Variants in LYRM1 observed in about 807,000 individuals in gnomAD.
The protein encoded by LYRM1 is LYR motif-containing protein 1.
In LYRM1, 14 loss-of-function variants were observed where a neutral mutation model predicts 14.9. The ratio of observed to expected loss-of-function variants is 0.94; its 90% CI spans 0.62 to 1.47. LYRM1 has a LOEUF of 1.47. Ranked by LOEUF, LYRM1 falls within the 40% of genes most tolerant of loss-of-function variation. The pLI is 0.00. For missense variants in LYRM1, 153 were observed against 149.9 expected, an observed-to-expected ratio of 1.02 and a Z score of -0.11; for synonymous variants, 43 against 56.2, an observed-to-expected ratio of 0.77 and a Z score of 1.05.
Position 20,915,695 on chromosome 16 carries a change from T to C in LYRM1, c.140T>C (p.Leu47Pro). The change falls in exon 2 of 4, where the codon CTG becomes CCG. Residue 47 changes from leucine to proline, a missense_variant. Transcript: ENST00000567954. ...KQYILNEARTLFRKNKNLTDT... is the reference protein window; with the variant it reads ...KQYILNEARTPFRKNKNLTDT... The stretch of plus-strand genomic sequence containing the variant: ...TACATACTAAATGAAGCCAGAACGC[T>C]GTTCCGGAAAAACAAAAATGTAAGT... 1 of 1,613,962 alleles carries C rather than the reference T, an allele frequency of 6.2e-7. No individual in the cohort carries two copies. The highest frequency in any genetic ancestry group is 1.7e-4 in the Middle Eastern group (1 of 6,054).
At chr16:20,914,277 CTTT>C (rs3054656) in intron 1 of LYRM1, among the ~76,000 whole-genome samples, 1,398 of 109,330 alleles carry the variant, frequency 0.013, 15 homozygotes, top group Middle Eastern at 0.023. Flanking sequence ...ACAGTCGTCA[CTTT>C]TTTTTTTTTT....
intron 1 of LYRM1, among the ~76,000 whole-genome samples, chr16:20,912,892 C>A (rs1044372805): frequency 2.9e-4 from 44 of 151,808 alleles, no homozygotes; most frequent in Admixed American, 6.6e-4. Flanking sequence ...CATGGTGAAA[C>A]CCCATCTCTA....
chr16:20,907,151 G>A (rs2082361560), intron 1 of LYRM1, among the ~76,000 whole-genome samples: 1 of 152,138 alleles, frequency 6.6e-6, no homozygotes, highest in Non-Finnish European at 1.5e-5. Context: ...GGAATTATAA[G>A]TAGTTATGAT....
At chr16:20,916,840 G>A (rs544593182) in intron 2 of LYRM1, among the ~76,000 whole-genome samples, 8 of 152,214 alleles carry the variant, frequency 5.3e-5, no homozygotes, top group East Asian at 3.9e-4. Flanking sequence ...ACTAGATGTC[G>A]AAGACAAACA....
chr16:20,902,517 G>A (rs1196702129), intron 1 of LYRM1: 2 of 152,236 alleles, frequency 1.3e-5, no homozygotes, highest in Non-Finnish European at 2.9e-5. Flanking sequence ...GCCAGCAAAG[G>A]AGACGACACA....
intron 1 of LYRM1, among the ~76,000 whole-genome samples, chr16:20,913,103 A>T (rs1281397309): frequency 1.3e-5 from 2 of 149,980 alleles, no homozygotes; most frequent in Admixed American, 6.7e-5. Context: ...TAATAATTAA[A>T]TAAATAAATA....
intron 2 of LYRM1, among the ~76,000 whole-genome samples, chr16:20,917,822 TCTC>T (rs908488176): frequency 1.3e-5 from 2 of 151,922 alleles, no homozygotes; most frequent in Non-Finnish European, 2.9e-5. Context: ...TTGTTTATAT[TCTC>T]CTTTTTTCTT....
Position 20,915,638 on chromosome 16 carries a change from G to A in LYRM1, c.83G>A (p.Gly28Glu). ...RLARKWQATS[G>E]QMEDTIKEKQ... ...GCGAGGAAATGGCAGGCGACATCAG[G>A]GCAGATGGAAGACACCATCAAAGAA... Residue 28 changes from glycine to glutamate, a missense_variant, in exon 2 of 4, where the codon GGG becomes GAG. By Grantham distance (98) the Gly-to-Glu change is moderately conservative. Coordinates refer to ENST00000567954, the MANE Select transcript of LYRM1 (RefSeq NM_001128302.3). 2 of 1,614,084 alleles carry A rather than the reference G, an allele frequency of 1.2e-6. No homozygotes were observed. Among genetic ancestry groups the A allele is most frequent in the Non-Finnish European group, 1.7e-6 (2 of 1,180,010 alleles).
rs1374009924 is a variant in LYRM1 at position 20,924,891 on chromosome 16, C to T, written c.*775C>T. 1 of 152,074 alleles carries T rather than the reference C, an allele frequency of 6.6e-6. No homozygotes were observed. The highest frequency in any genetic ancestry group is 1.5e-5 in the Non-Finnish European group (1 of 68,028). 9.4% of individuals were successfully genotyped at this position (152,074 alleles called of 1,614,324 possible). The stretch of plus-strand genomic sequence containing the variant: ...TGAAAATAGAAGGGATTTATTCCAC[C>T]CCTGCAAGGGTAGAGTCAGGTGAGA... On this transcript the variant is annotated 3_prime_UTR_variant, in exon 4 of 4. Coordinates refer to ENST00000567954, the MANE Select transcript of LYRM1 (RefSeq NM_001128302.3).
rs1417345167 is a variant in LYRM1 at position 20,901,817 on chromosome 16, AG to A, written c.-1+929del. On this transcript the variant is annotated intron_variant, in intron 1 of 3. Transcript: ENST00000567954. This position sits in a 1 kb window ranked among gnomAD's most constrained non-coding sequence, Gnocchi z 4.6. The stretch of plus-strand genomic sequence containing the variant: ...AGACTGTTGCACTGTAAGACAAAGG[AG>A]AGGTGAAGATAGTGTTGAAAGGGCC... 1.3e-5 allele frequency among the ~76,000 whole-genome samples: 2 copies of A among 152,196 alleles called. No individual in the cohort carries two copies. Among genetic ancestry groups the A allele is most frequent in the African/African-American group, 4.8e-5 (2 of 41,456 alleles).
At chr16:20,920,011 AC>A in intron 2 of LYRM1, 110 bp from the exon 3 acceptor site, 1 of 582,020 alleles carries the variant, frequency 1.7e-6, no homozygotes, top group Non-Finnish European at 2.9e-6. Context: ...CAAATTAGTA[AC>A]ATTTCATTTA....
intron 2 of LYRM1, among the ~76,000 whole-genome samples, chr16:20,918,389 T>C (rs1456258968): frequency 6.6e-6 from 1 of 151,986 alleles, no homozygotes; most frequent in East Asian, 1.9e-4. Flanking sequence ...GCGGAAGAGG[T>C]ACATGGGTTC....
At chr16:20,913,429 C>G (rs1311555973) in intron 1 of LYRM1, among the ~76,000 whole-genome samples, 1 of 151,518 alleles carries the variant, frequency 6.6e-6, no homozygotes, top group Non-Finnish European at 1.5e-5. Flanking sequence ...TCTCGTGCCT[C>G]AGCCTCCAAA....
chr16:20,910,323 G>C (rs1289386092), intron 1 of LYRM1, among the ~76,000 whole-genome samples: 3 of 152,228 alleles, frequency 2.0e-5, no homozygotes, highest in Non-Finnish European at 4.4e-5. Flanking sequence ...TACAGCTTTA[G>C]ACCCTTCTCT....
At chr16:20,918,302 G>A (rs970292533) in intron 2 of LYRM1, among the ~76,000 whole-genome samples, 19 of 152,102 alleles carry the variant, frequency 1.2e-4, no homozygotes, top group African/African-American at 3.4e-4. Flanking sequence ...CCTTTGCCTC[G>A]GCTTGGATTG....
In LYRM1 at chr16:20,924,288, C is replaced by G. The variant is rs2083354337; in HGVS notation, c.*172C>G. The stretch of plus-strand genomic sequence containing the variant: ...AGATATCCCTAGAGTTTCTCAGCAT[C>G]TTTCTTCCTGAGTGGATGGCATTAT... On this transcript the variant is annotated 3_prime_UTR_variant, in exon 4 of 4. Coordinates refer to ENST00000567954, the MANE Select transcript of LYRM1 (RefSeq NM_001128302.3). The G allele has an allele frequency of 1.8e-6, 1 of 560,814 alleles. No individual in the cohort carries two copies. Among genetic ancestry groups the G allele is most frequent in the Admixed American group, 3.3e-5 (1 of 30,362 alleles). The allele number at this position is 560,814 out of a possible 1,614,324, so 34.7% of individuals were successfully genotyped here.
intron 2 of LYRM1, 55 bp from the exon 3 acceptor site, chr16:20,920,067 T>C: frequency 8.1e-7 from 1 of 1,229,788 alleles, no homozygotes; most frequent in Non-Finnish European, 1.2e-6. Flanking sequence ...ATACCTATAC[T>C]CTATGTACCA....
intron 1 of LYRM1, among the ~76,000 whole-genome samples, chr16:20,912,632 C>T (rs1400171459): frequency 1.3e-5 from 2 of 152,050 alleles, no homozygotes; most frequent in Non-Finnish European, 2.9e-5. Context: ...ATAGATAGTA[C>T]ATTGGGATAT....
intron 3 of LYRM1, among the ~76,000 whole-genome samples, chr16:20,923,309 G>A (rs1195287997): frequency 6.6e-6 from 1 of 152,022 alleles, no homozygotes; most frequent in African/African-American, 2.4e-5. Context: ...AGACCAGCCT[G>A]GCTAACATGG....
Sources: allele counts gnomAD v4.1 joint callset (sites outside exome capture counted in the v4.1 genomes callset), GRCh38; gene constraint gnomAD v4.1.1; non-coding constraint Gnocchi (gnomAD v3.1); transcripts MANE v1.5; gene names NCBI Gene and HGNC (gene_info 2026-07-23, HGNC 2026-07-21).